Variants in ACTR10 observed in about 807,000 individuals in gnomAD.
ACTR10 encodes the protein actin-related protein 10.
In ACTR10, 43 loss-of-function variants were observed where a neutral mutation model predicts 56.2. The observed-to-expected ratio is 0.77, with a 90% CI of 0.60 to 0.99. The LOEUF (loss-of-function observed/expected upper bound fraction) is 0.99. Ranked by LOEUF, ACTR10 falls within the 50% of genes least tolerant of loss-of-function variation. ACTR10 has a pLI of 0.00. For synonymous variants in ACTR10, 170 were observed against 176.3 expected (o/e 0.96, Z 0.28); for missense variants, 466 against 507.8 (o/e 0.92, Z 0.79).
intron 1 of ACTR10, among the ~76,000 whole-genome samples, chr14:58,200,689 A>G (rs1167549041): frequency 6.6e-6 from 1 of 152,232 alleles, no homozygotes; most frequent in Admixed American, 6.5e-5. Context: ...ATCATAAAAT[A>G]TTGAACGGAG....
intron 3 of ACTR10, among the ~76,000 whole-genome samples, chr14:58,208,306 A>G (rs979116144): frequency 1.3e-5 from 2 of 152,212 alleles, no homozygotes; most frequent in African/African-American, 2.4e-5. Context: ...AGAGTTCTGC[A>G]TCTGTATGTA....
chr14:58,224,937 C>G (rs750739560), intron 10 of ACTR10, among the ~76,000 whole-genome samples: 1 of 151,024 alleles, frequency 6.6e-6, no homozygotes, highest in African/African-American at 2.4e-5. Flanking sequence ...TGTGGTGAGC[C>G]GACATCGCAC....
At chr14:58,224,376 T>C (rs1889350999) in intron 10 of ACTR10, among the ~76,000 whole-genome samples, 1 of 152,192 alleles carries the variant, frequency 6.6e-6, no homozygotes, top group Admixed American at 6.5e-5. Context: ...GAATTAGTTC[T>C]CATAAATACA....
At chr14:58,219,820 AT>A (rs1182993821) in intron 8 of ACTR10, 91 bp downstream of exon 8, 17 of 770,250 alleles carry the variant, frequency 2.2e-5, no homozygotes, top group Admixed American at 6.7e-5. Context: ...TAGAAAATAT[AT>A]TCATAATGTA....
chr14:58,210,125 A>G (rs574601245), intron 4 of ACTR10, among the ~76,000 whole-genome samples: 3 of 152,322 alleles, frequency 2.0e-5, no homozygotes, highest in South Asian at 4.1e-4. Flanking sequence ...TTGTGTTAAT[A>G]TCTTCTATAT....
rs758005532 is a variant in ACTR10 at position 58,223,803 on chromosome 14, T to G, written c.735T>G (p.Asn245Lys). The G allele has an allele frequency of 1.2e-6, 2 of 1,613,278 alleles. No homozygotes were observed. The highest frequency in any genetic ancestry group is 2.2e-5 in the South Asian group (2 of 91,020). ...GNNERPSPPP[N>K]VDYPLDGEKI... ...TTCAGCGTCCCTCCCCACCCCCAAA[T>G]GTTGACTATCCATTAGATGGAGAGA... The change falls in exon 10 of 13, where the codon AAT becomes AAG. Residue 245 changes from asparagine to lysine, a missense_variant. Transcript: ENST00000254286.
At chr14:58,228,291 A>C (rs1211915236) in intron 10 of ACTR10, among the ~76,000 whole-genome samples, 2 of 152,146 alleles carry the variant, frequency 1.3e-5, no homozygotes, top group Non-Finnish European at 2.9e-5. Context: ...AGTCCTAAGA[A>C]GGGAAAGAAG....
chr14:58,221,280 TAAAAAAAAAAA>T (rs35943337), intron 8 of ACTR10, among the ~76,000 whole-genome samples: 10 of 108,292 alleles, frequency 9.2e-5, no homozygotes, highest in Non-Finnish European at 1.3e-4. Context: ...AGACTCTGTC[TAAAAAAAAAAA>T]AAAAAAAAAA....
chr14:58,207,449 A>G (rs1036658580), intron 2 of ACTR10, among the ~76,000 whole-genome samples: 6 of 150,318 alleles, frequency 4.0e-5, no homozygotes, highest in African/African-American at 1.5e-4. Context: ...CTCAGTCTCC[A>G]GAGTAGCTGG....
intron 7 of ACTR10, among the ~76,000 whole-genome samples, chr14:58,215,726 A>G (rs929461009): frequency 1.3e-5 from 2 of 152,016 alleles, no homozygotes; most frequent in African/African-American, 4.8e-5. Context: ...TGATTCTGAA[A>G]TGTGTCACTG....
chr14:58,230,764 C>CT (rs67511419), intron 11 of ACTR10, among the ~76,000 whole-genome samples: 85 of 143,144 alleles, frequency 5.9e-4, no homozygotes, highest in Middle Eastern at 3.6e-3. Context: ...TGGACATGTG[C>CT]TTTTTTTTTT....
chr14:58,218,820 AATT>A (rs965364373), intron 7 of ACTR10, among the ~76,000 whole-genome samples: 1 of 152,136 alleles, frequency 6.6e-6, no homozygotes, highest in South Asian at 2.1e-4. Context: ...ATGGGTTAAA[AATT>A]ATTATTATTA....
At chr14:58,232,345 A>G in intron 12 of ACTR10, 78 bp downstream of exon 12, 1 of 1,087,986 alleles carries the variant, frequency 9.2e-7, no homozygotes, top group East Asian at 2.7e-5. Flanking sequence ...ATATATTAGA[A>G]TAAATAATTC....
intron 7 of ACTR10, among the ~76,000 whole-genome samples, chr14:58,219,289 C>T (rs1472333789): frequency 6.6e-6 from 1 of 152,032 alleles, no homozygotes. Flanking sequence ...TTTGAATGAG[C>T]CTCTTTCATT....
At chr14:58,208,115 A>C (rs1888910758) in intron 3 of ACTR10, 97 bp downstream of exon 3, 1 of 1,172,272 alleles carries the variant, frequency 8.5e-7, no homozygotes, top group African/African-American at 1.6e-5. Context: ...CAAAAAAAAA[A>C]AAAATGGACT....
chr14:58,225,544 T>G (rs1889376214), intron 10 of ACTR10, among the ~76,000 whole-genome samples: 1 of 152,146 alleles, frequency 6.6e-6, no homozygotes, highest in African/African-American at 2.4e-5. Context: ...AGAGTAAGAA[T>G]GTAGTACTTT....
intron 1 of ACTR10, among the ~76,000 whole-genome samples, chr14:58,201,404 ACAG>A (rs371298880): frequency 8.1e-4 from 124 of 152,364 alleles, no homozygotes; most frequent in Middle Eastern, 3.4e-3. Flanking sequence ...TTTGAAAAAG[ACAG>A]CAGGAGGATG....
chr14:58,219,522 A>G, intron 7 of ACTR10, 172 bp from the exon 8 acceptor site: 3 of 445,112 alleles, frequency 6.7e-6, no homozygotes, highest in East Asian at 7.7e-5. Flanking sequence ...TTGAATGATG[A>G]TATTTCTTCC....
At chr14:58,201,479 G>T (rs1395231121) in intron 1 of ACTR10, among the ~76,000 whole-genome samples, 2 of 152,198 alleles carry the variant, frequency 1.3e-5, no homozygotes, top group Non-Finnish European at 2.9e-5. Flanking sequence ...ATTCTGAGAT[G>T]TTTGAGGAGC....
Sources: gnomAD v4.1 joint callset for allele counts (sites outside exome capture counted in the v4.1 genomes callset) on GRCh38, gnomAD v4.1.1 for gene constraint, MANE v1.5 for transcripts, NCBI Gene and HGNC (gene_info 2026-07-23, HGNC 2026-07-21) for gene names.